RNF115: variants seen among roughly 807,000 people sequenced by gnomAD.
RNF115 encodes ring finger protein 115.
In RNF115, 31 loss-of-function variants were observed where a neutral mutation model predicts 39.2. The observed-to-expected ratio is 0.79, with a 90% CI of 0.59 to 1.07. RNF115 has a LOEUF of 1.07. Among genes scored for constraint, RNF115 ranks in the 50% least tolerant of loss-of-function variants. The pLI is 0.00. For synonymous variants in RNF115, 124 were observed against 131.0 expected, an observed-to-expected ratio of 0.95 and a Z score of 0.37; for missense variants, 384 against 381.7, an observed-to-expected ratio of 1.01 and a Z score of -0.05.
intron 4 of RNF115, among the ~76,000 whole-genome samples, chr1:145,764,980 A>T (rs1658711328): frequency 6.6e-6 from 1 of 152,212 alleles, no homozygotes; most frequent in African/African-American, 2.4e-5. Context: ...GGAACAGAGA[A>T]GGGGGAAAGG....
intron 4 of RNF115, among the ~76,000 whole-genome samples, chr1:145,755,741 A>C (rs1242517305): frequency 6.6e-6 from 1 of 152,152 alleles, no homozygotes; most frequent in Non-Finnish European, 1.5e-5. Flanking sequence ...TTAAAAAAAA[A>C]CAGAAGCACT....
intron 4 of RNF115, among the ~76,000 whole-genome samples, chr1:145,755,492 A>G (rs1658262551): frequency 6.6e-6 from 1 of 152,156 alleles, no homozygotes; most frequent in South Asian, 2.1e-4. Context: ...CAGCCATGCT[A>G]CTCCCAACTG....
At chr1:145,797,327 G>A (rs587702543) in intron 1 of RNF115, among the ~76,000 whole-genome samples, 1 of 152,284 alleles carries the variant, frequency 6.6e-6, no homozygotes, top group Admixed American at 6.5e-5. Flanking sequence ...TCAGCAACTG[G>A]CTTTCTGTGC....
chr1:145,811,085 G>T (rs2770169), intron 1 of RNF115, among the ~76,000 whole-genome samples: 75,281 of 147,720 alleles, frequency 0.51, 18,936 homozygotes, highest in East Asian at 0.69. Context: ...GCCCAGGCTG[G>T]TCTCCAACTC....
chr1:145,786,515 C>T (rs1648387011), intron 2 of RNF115, among the ~76,000 whole-genome samples: 2 of 152,260 alleles, frequency 1.3e-5, no homozygotes, highest in South Asian at 2.1e-4. Context: ...TATAAGACAA[C>T]CTTTGATCTA....
chr1:145,789,097 TTTTTG>T, intron 1 of RNF115, 131 bp from the exon 2 acceptor site: 1 of 602,032 alleles, frequency 1.7e-6, no homozygotes, highest in Non-Finnish European at 2.9e-6. Context: ...ACTCAAGTAG[TTTTTG>T]TTTTTTTTTT....
chr1:145,750,160 C>T (rs1351622614), intron 7 of RNF115, among the ~76,000 whole-genome samples: 2 of 152,134 alleles, frequency 1.3e-5, no homozygotes, highest in East Asian at 1.9e-4. Flanking sequence ...GACATAATTG[C>T]TCAGGAAATA....
chr1:145,767,462 G>A (rs1480679700), intron 4 of RNF115, among the ~76,000 whole-genome samples: 22 of 148,762 alleles, frequency 1.5e-4, no homozygotes, highest in South Asian at 6.4e-4. Flanking sequence ...GATGGCGGCC[G>A]GGCAGAGACG....
At chr1:145,767,745 C>T (rs868991717) in intron 4 of RNF115, among the ~76,000 whole-genome samples, 1 of 152,250 alleles carries the variant, frequency 6.6e-6, no homozygotes, top group Admixed American at 6.5e-5. Flanking sequence ...CCGAGGCTGG[C>T]GGATCACTCG....
In RNF115 at chr1:145,771,776, C is replaced by T. The variant is rs1559113585; in HGVS notation, c.363G>A (p.Leu121=). 5.0e-6 allele frequency: 8 copies of T among 1,614,180 alleles called. No homozygotes were observed. Among genetic ancestry groups the T allele is most frequent in the Non-Finnish European group, 6.8e-6 (8 of 1,180,008 alleles). Residue 121 remains leucine, a synonymous_variant, in exon 4 of 9, where the codon TTG becomes TTA. Transcript: ENST00000582693. ...GAGATCTGTATCTCCGACCCAATGG[C>T]AACCGTGGAGGTCTTGCTCCCCAGA... ...TDFWGARPPR[L]PLGRRYRSRG...
chr1:145,790,772 T>C (rs1553718839), intron 1 of RNF115, among the ~76,000 whole-genome samples: 2 of 152,146 alleles, frequency 1.3e-5, no homozygotes, highest in African/African-American at 4.8e-5. Flanking sequence ...CAATTTTTTC[T>C]TCAAATCTAA....
chr1:145,795,016 CAA>C (rs782249648), intron 1 of RNF115, among the ~76,000 whole-genome samples: 16 of 78,292 alleles, frequency 2.0e-4, no homozygotes, highest in East Asian at 8.9e-4. Flanking sequence ...GACTCCATTT[CAA>C]AAAAAAAAAA....
At chr1:145,762,449 G>C (rs1420054331) in intron 4 of RNF115, among the ~76,000 whole-genome samples, 1 of 151,642 alleles carries the variant, frequency 6.6e-6, no homozygotes, top group Non-Finnish European at 1.5e-5. Flanking sequence ...TGTGAAAACA[G>C]ACTAATACAG....
intron 3 of RNF115, among the ~76,000 whole-genome samples, chr1:145,776,726 C>T (rs1447887138): frequency 2.6e-5 from 4 of 151,994 alleles, no homozygotes; most frequent in African/African-American, 4.8e-5. Context: ...ATCCCAGCTA[C>T]TCGGGAAGCT....
chr1:145,779,065 A>T (rs587668578), intron 3 of RNF115, among the ~76,000 whole-genome samples: 6 of 152,188 alleles, frequency 3.9e-5, no homozygotes, highest in African/African-American at 1.4e-4. Flanking sequence ...TTCTAGACTC[A>T]GGTAAAGGAA....
rs1649572080 is a variant in RNF115, at chr1:145,808,882, C to T, written c.102+14890G>A. On this transcript the variant is annotated intron_variant, in intron 1 of 8. Coordinates refer to ENST00000582693, the MANE Select transcript of RNF115 (RefSeq NM_014455.4). ...TTTAATAAGTTTGAGAGCAAAAATA[C>T]CTCACAGTAGTACCTAAATTAGAAA... 8.5e-5 allele frequency among the ~76,000 whole-genome samples: 13 copies of T among 152,190 alleles called. No homozygotes were observed. In the South Asian group the frequency reaches 1.7e-3, roughly 19 times the overall value.
At chr1:145,800,907 T>G (rs376064026) in intron 1 of RNF115, among the ~76,000 whole-genome samples, 1 of 152,162 alleles carries the variant, frequency 6.6e-6, no homozygotes, top group Non-Finnish European at 1.5e-5. Context: ...CAGTGGCTCA[T>G]GCCTGTAATC....
At chr1:145,756,952 C>G (rs192869293) in intron 4 of RNF115, among the ~76,000 whole-genome samples, 1 of 150,932 alleles carries the variant, frequency 6.6e-6, no homozygotes. Context: ...TCTCACGCCT[C>G]GGCCTCCTGA....
chr1:145,756,441 CAG>C (rs1195110541), intron 4 of RNF115, among the ~76,000 whole-genome samples: 33 of 151,090 alleles, frequency 2.2e-4, no homozygotes, highest in African/African-American at 8.1e-4. Context: ...GCCTGGGTGA[CAG>C]AGTGAGACTG....
Sources: allele counts gnomAD v4.1 joint callset (sites outside exome capture counted in the v4.1 genomes callset), GRCh38; gene constraint gnomAD v4.1.1; transcripts MANE v1.5; gene names NCBI Gene and HGNC (gene_info 2026-07-23, HGNC 2026-07-21).